Variants in PAPPA observed in about 807,000 individuals in gnomAD.
PAPPA encodes the protein pappalysin 1, also known as pappalysin-1.
A neutral mutation model predicts 164.0 loss-of-function variants in PAPPA; 60 were observed. The ratio of observed to expected loss-of-function variants is 0.37; its 90% CI spans 0.30 to 0.45. The LOEUF (loss-of-function observed/expected upper bound fraction) is 0.45, where lower values mean the gene tolerates loss of function less well. PAPPA is among the 20% of genes least tolerant of loss of function. The pLI, the probability that PAPPA is intolerant of heterozygous loss-of-function variation, is 1.00. For synonymous variants in PAPPA, 875 were observed against 814.1 expected (o/e 1.07, Z -1.27); for missense variants, 1,782 against 2,087.3 (o/e 0.85, Z 2.85).
At chr9:116,329,311 A>G (rs1845960568) in intron 10 of PAPPA, among the ~76,000 whole-genome samples, 2 of 152,166 alleles carry the variant, frequency 1.3e-5, no homozygotes, top group East Asian at 1.9e-4. Context: ...ATGGTTTTAT[A>G]TCTATTTTCA....
chr9:116,259,898 A>G (rs1263452023), intron 7 of PAPPA, among the ~76,000 whole-genome samples: 3 of 152,232 alleles, frequency 2.0e-5, no homozygotes, highest in Non-Finnish European at 4.4e-5. Flanking sequence ...AATAATAGCA[A>G]TAATAAAAGA....
chr9:116,158,031 C>G (rs1249202791), intron 1 of PAPPA, among the ~76,000 whole-genome samples: 2 of 152,196 alleles, frequency 1.3e-5, no homozygotes, highest in Admixed American at 6.5e-5. Flanking sequence ...GTGGACCCCA[C>G]AAGTACTGCC....
intron 21 of PAPPA, among the ~76,000 whole-genome samples, chr9:116,386,636 T>C (rs73656820): frequency 0.036 from 5,442 of 152,262 alleles, 327 homozygotes; most frequent in African/African-American, 0.13. Flanking sequence ...CTTTTTCTCC[T>C]GCATGGTGCT....
intron 10 of PAPPA, among the ~76,000 whole-genome samples, chr9:116,331,026 A>T (rs1845984487): frequency 6.6e-6 from 1 of 152,138 alleles, no homozygotes; most frequent in Non-Finnish European, 1.5e-5. Flanking sequence ...CATCTCTACC[A>T]TCAAAATATG....
intron 10 of PAPPA, among the ~76,000 whole-genome samples, chr9:116,306,784 C>T (rs1587996298): frequency 1.3e-5 from 2 of 152,210 alleles, no homozygotes; most frequent in East Asian, 3.9e-4. Flanking sequence ...TGTTGATATT[C>T]CTTCCTTTTA....
At chr9:116,283,256 T>C (rs1159412573) in intron 9 of PAPPA, among the ~76,000 whole-genome samples, 1 of 152,112 alleles carries the variant, frequency 6.6e-6, no homozygotes, top group East Asian at 1.9e-4. Context: ...ACAGTGGTCA[T>C]TAAAGATATG....
At position 116,362,798 on chromosome 9, in the gene PAPPA, C is replaced by G. The variant is rs1846446836; in HGVS notation, c.4495+59C>G. On this transcript the variant is annotated intron_variant, in intron 18 of 21. Coordinates refer to ENST00000328252, the MANE Select transcript of PAPPA (RefSeq NM_002581.5). ...GGCAATTCCTTCCAGCAATGCAGGG[C>G]TAATGCCTGGGTGGGTCATTGAACA... 3 of 1,547,034 alleles carry G rather than the reference C, an allele frequency of 1.9e-6. No homozygotes were observed. In the African/African-American group the frequency reaches 4.1e-5, roughly 21 times the overall value.
intron 5 of PAPPA, among the ~76,000 whole-genome samples, chr9:116,220,911 T>C (rs779637972): frequency 1.1e-4 from 16 of 150,860 alleles, no homozygotes; most frequent in Non-Finnish European, 1.6e-4. Flanking sequence ...AGAATGCATA[T>C]ACATATATGA....
intron 20 of PAPPA, among the ~76,000 whole-genome samples, chr9:116,381,039 T>A (rs1391721792): frequency 6.6e-6 from 1 of 152,212 alleles, no homozygotes; most frequent in Non-Finnish European, 1.5e-5. Flanking sequence ...TCAGAGTGGT[T>A]TCACTTTCAT....
Position 116,352,839 on chromosome 9 carries a change from G to C in PAPPA, c.4098G>C (p.Lys1366Asn). Residue 1366 changes from lysine to asparagine, a missense_variant, in exon 16 of 22, where the codon AAG (lysine) becomes AAC (asparagine). Lys to Asn is a moderately conservative substitution (Grantham distance 94, BLOSUM62 0). Transcript: ENST00000328252. ...AGACCGCCCGGTGCCGAGAGAATAA[G>C]CACAAGGTGGGCTCCTTCTGCAAAT... ...DLQTARCREN[K>N]HKVGSFCKYK... 5 of 1,614,038 alleles carry C rather than the reference G, an allele frequency of 3.1e-6. No individual in the cohort carries two copies. The highest frequency in any genetic ancestry group is 4.2e-6 in the Non-Finnish European group (5 of 1,179,946).
At chr9:116,280,409 G>A (rs1845252017) in intron 9 of PAPPA, among the ~76,000 whole-genome samples, 1 of 152,114 alleles carries the variant, frequency 6.6e-6, no homozygotes, top group Non-Finnish European at 1.5e-5. Flanking sequence ...AGTAGGATGT[G>A]GACTCATTAG....
chr9:116,344,398 C>T, intron 13 of PAPPA, 145 bp from the exon 14 acceptor site: 1 of 703,822 alleles, frequency 1.4e-6, no homozygotes, highest in Non-Finnish European at 2.4e-6. Context: ...CTAGAGTCAT[C>T]TTCACCCTAG....
chr9:116,186,379 G>T (rs1564177021), intron 1 of PAPPA, among the ~76,000 whole-genome samples: 1 of 152,044 alleles, frequency 6.6e-6, no homozygotes. Flanking sequence ...CATAACAAAT[G>T]CCTTCCATTC....
intron 4 of PAPPA, among the ~76,000 whole-genome samples, chr9:116,214,868 A>G (rs1017093399): frequency 6.6e-6 from 1 of 152,168 alleles, no homozygotes; most frequent in African/African-American, 2.4e-5. Context: ...TGACCCAGCA[A>G]TTCCACTTCT....
rs144477343 is a variant in PAPPA, at chr9:116,352,968, G to A, written c.4175+52G>A. ...ATGGTCTCTGGGAGGACAAGAGTTAGGTTCAAATGCCTGACTGGACGGAAG... is the reference window on the plus strand; with the variant it reads ...ATGGTCTCTGGGAGGACAAGAGTTAAGTTCAAATGCCTGACTGGACGGAAG... On this transcript the variant is annotated intron_variant, in intron 16 of 21. Coordinates refer to ENST00000328252, the MANE Select transcript of PAPPA (RefSeq NM_002581.5). 5.1e-5 allele frequency: 70 copies of A among 1,366,794 alleles called. No homozygotes were observed. In the African/African-American group the frequency reaches 6.7e-4, roughly 13 times the overall value. 84.7% of individuals were successfully genotyped at this position (1,366,794 alleles called of 1,614,324 possible). A position where few individuals can be genotyped will look rare whatever the true frequency, so the allele number is the denominator to read the frequency against.
chr9:116,350,841 AC>A (rs1418255761), intron 15 of PAPPA, among the ~76,000 whole-genome samples: 2 of 152,128 alleles, frequency 1.3e-5, no homozygotes, highest in Non-Finnish European at 2.9e-5. Flanking sequence ...CAAATGAATC[AC>A]CTTTCTGCAC....
chr9:116,263,235 C>T (rs965257659), intron 7 of PAPPA, among the ~76,000 whole-genome samples: 25 of 152,084 alleles, frequency 1.6e-4, no homozygotes, highest in African/African-American at 4.6e-4. Flanking sequence ...AGAAGGAGGT[C>T]GGTGGGTAGA....
chr9:116,196,308 C>T (rs1844102927), intron 2 of PAPPA, among the ~76,000 whole-genome samples: 1 of 152,176 alleles, frequency 6.6e-6, no homozygotes. Flanking sequence ...TACTGGTGCC[C>T]TTTCAAGGGC....
intron 5 of PAPPA, among the ~76,000 whole-genome samples, chr9:116,223,069 C>T (rs1587959389): frequency 6.6e-6 from 1 of 152,208 alleles, no homozygotes; most frequent in African/African-American, 2.4e-5. Flanking sequence ...ACCATCAGTA[C>T]CTGAGTCTAG....
Sources: allele counts gnomAD v4.1 joint callset (sites outside exome capture counted in the v4.1 genomes callset), GRCh38; gene constraint gnomAD v4.1.1; transcripts MANE v1.5; gene names NCBI Gene and HGNC (gene_info 2026-07-23, HGNC 2026-07-21).